Variants in RYK observed in about 807,000 individuals in gnomAD.
RYK encodes receptor like tyrosine kinase.
RYK carries 21 observed loss-of-function variants against 70.2 expected under a neutral mutation model. That is an observed-to-expected ratio of 0.30 (90% CI 0.21 to 0.43). The LOEUF (loss-of-function observed/expected upper bound fraction) is 0.43, where lower values mean the gene tolerates loss of function less well. Among genes scored for constraint, RYK ranks in the 20% least tolerant of loss-of-function variants. The pLI is 1.00. For missense variants in RYK, 604 were observed against 753.3 expected, an observed-to-expected ratio of 0.80 and a Z score of 2.32; for synonymous variants, 267 against 278.0, an observed-to-expected ratio of 0.96 and a Z score of 0.39.
At chr3:134,188,767 A>G in intron 9 of RYK, 70 bp downstream of exon 9, 1 of 893,310 alleles carries the variant, frequency 1.1e-6, no homozygotes, top group Non-Finnish European at 1.8e-6. Flanking sequence ...AAACTGAGAC[A>G]GAATTTTGCT....
Position 134,183,032 on chromosome 3 carries a change from T to G in RYK, c.1142A>C (p.Glu381Ala). ...SEIQVTMMLT[E>A]SCKLRGLHHR... is the part of the protein sequence containing the mutation. ...ATGAAGACCTCGCAGCTTACAACTT[T>G]CAGTGAGCATCATTGTCACCTGAAT... The change falls in exon 10 of 15, where the codon GAA becomes GCA. Residue 381 changes from glutamate (E) to alanine (A), a missense_variant. Transcript: ENST00000623711. 6.3e-7 allele frequency: 1 copy of G among 1,592,130 alleles called. No homozygotes were observed. The highest frequency in any genetic ancestry group is 8.6e-7 in the Non-Finnish European group (1 of 1,167,998).
intron 7 of RYK, among the ~76,000 whole-genome samples, chr3:134,193,429 C>T (rs761981934): frequency 5.9e-5 from 9 of 152,182 alleles, no homozygotes; most frequent in Non-Finnish European, 1.3e-4. Flanking sequence ...ATGATCCGCC[C>T]GCCTTGGCCT....
At chr3:134,220,897 T>C (rs912369768) in intron 2 of RYK, among the ~76,000 whole-genome samples, 5 of 152,164 alleles carry the variant, frequency 3.3e-5, no homozygotes, top group African/African-American at 7.2e-5. Context: ...GAAGCATTGT[T>C]TGAAATAATA....
chr3:134,173,270 A>G (rs2012983879), intron 13 of RYK, among the ~76,000 whole-genome samples: 1 of 148,174 alleles, frequency 6.7e-6, no homozygotes, highest in Admixed American at 6.9e-5. Context: ...ATAGAGCGAG[A>G]CTCTGTCTCA....
At chr3:134,193,475 A>G (rs1434506961) in intron 7 of RYK, among the ~76,000 whole-genome samples, 1 of 152,208 alleles carries the variant, frequency 6.6e-6, no homozygotes, top group African/African-American at 2.4e-5. Context: ...GAGCCACCAC[A>G]CCCGGCCCCT....
At chr3:134,197,166 A>G (rs187295771) in intron 6 of RYK, among the ~76,000 whole-genome samples, 3 of 152,334 alleles carry the variant, frequency 2.0e-5, no homozygotes, top group African/African-American at 7.2e-5. Flanking sequence ...AGACTATAAT[A>G]AAGATTCATT....
At chr3:134,175,909 C>T (rs969306709) in intron 12 of RYK, 21 bp downstream of exon 12, 5 of 1,570,934 alleles carry the variant, frequency 3.2e-6, no homozygotes, top group African/African-American at 1.3e-5. Context: ...CAAGTGACAG[C>T]GTCAAGCTCA....
chr3:134,241,412 TATA>T (rs66690771), intron 1 of RYK, among the ~76,000 whole-genome samples: 45,840 of 151,628 alleles, frequency 0.3, 8,428 homozygotes, highest in Middle Eastern at 0.46. Context: ...ATCACCTTTT[TATA>T]ATATCATATT....
At chr3:134,175,867 AG>A (rs1480424632) in intron 12 of RYK, 62 bp downstream of exon 12, 7 of 1,551,542 alleles carry the variant, frequency 4.5e-6, no homozygotes, top group Non-Finnish European at 4.4e-6. Flanking sequence ...TGTGACTCGC[AG>A]AGAACCCCAA....
At chr3:134,224,755 G>C (rs573227830) in intron 1 of RYK, among the ~76,000 whole-genome samples, 1 of 152,316 alleles carries the variant, frequency 6.6e-6, no homozygotes, top group East Asian at 1.9e-4. Flanking sequence ...GCCCTATCCG[G>C]GCTTGACAGA....
rs1409842951 is a variant in RYK at position 134,211,596 on chromosome 3, C to T, written c.366G>A (p.Lys122=). ...TWHAKSKVEY[K]LGFQVDNVLA... ...AAACATTGTCCACTTGGAATCCCAG[C>T]TTATATTCAACCTGTAAAATAGACA... Residue 122 remains lysine, a synonymous_variant, in exon 3 of 15, where the codon AAG becomes AAA. Coordinates refer to ENST00000623711, the MANE Select transcript of RYK (RefSeq NM_002958.4). 1 of 1,612,628 alleles carries T rather than the reference C, an allele frequency of 6.2e-7. No homozygotes were observed. The highest frequency in any genetic ancestry group is 1.1e-5 in the South Asian group (1 of 91,022).
intron 13 of RYK, among the ~76,000 whole-genome samples, chr3:134,171,962 T>C (rs2012927742): frequency 6.6e-6 from 1 of 152,164 alleles, no homozygotes; most frequent in African/African-American, 2.4e-5. Flanking sequence ...AAGCTATCAA[T>C]GCTCCTTTTT....
intron 11 of RYK, among the ~76,000 whole-genome samples, chr3:134,177,064 CAAAAAACAAACA>C (rs1274619080): frequency 2.3e-5 from 1 of 43,748 alleles, no homozygotes; most frequent in Non-Finnish European, 4.7e-5. Flanking sequence ...ACACAAAAAA[CAAAAAACAAACA>C]AAAAAAAACC....
At chr3:134,158,865 T>C (rs2012344683) in intron 14 of RYK, among the ~76,000 whole-genome samples, 1 of 152,206 alleles carries the variant, frequency 6.6e-6, no homozygotes, top group Non-Finnish European at 1.5e-5. Context: ...CAAGGCAAAA[T>C]GACAACGAGA....
At chr3:134,213,722 G>C (rs1443186754) in intron 2 of RYK, among the ~76,000 whole-genome samples, 2 of 152,180 alleles carry the variant, frequency 1.3e-5, no homozygotes. Context: ...CTAGACAGTA[G>C]GGTCGGCACT....
At chr3:134,196,536 T>C (rs1377052267) in intron 6 of RYK, among the ~76,000 whole-genome samples, 5 of 150,076 alleles carry the variant, frequency 3.3e-5, no homozygotes, top group African/African-American at 9.9e-5. Flanking sequence ...GTCCAGGAGT[T>C]TGACGCCAGC....
chr3:134,245,370 A>T (rs1438967439), intron 1 of RYK, among the ~76,000 whole-genome samples: 1 of 152,062 alleles, frequency 6.6e-6, no homozygotes, highest in Non-Finnish European at 1.5e-5. Flanking sequence ...CTAAAATGAT[A>T]GTTTAAAAAA....
At chr3:134,222,333 G>A in intron 2 of RYK, 85 bp downstream of exon 2, 2 of 1,424,010 alleles carry the variant, frequency 1.4e-6, no homozygotes, top group Non-Finnish European at 9.9e-7. Context: ...CTTCAGTACA[G>A]ACAGCAGCCC....
At chr3:134,198,745 T>C (rs374858283) in intron 6 of RYK, among the ~76,000 whole-genome samples, 13 of 152,210 alleles carry the variant, frequency 8.5e-5, no homozygotes, top group East Asian at 3.8e-4. Context: ...CAAAGAATGA[T>C]TGGTAAAACA....
Sources: gnomAD v4.1 joint callset for allele counts (sites outside exome capture counted in the v4.1 genomes callset) on GRCh38, gnomAD v4.1.1 for gene constraint, MANE v1.5 for transcripts, NCBI Gene and HGNC (gene_info 2026-07-23, HGNC 2026-07-21) for gene names.